CSMD1: variants seen among roughly 807,000 people sequenced by gnomAD.
CSMD1 encodes the protein CUB and sushi domain-containing protein 1.
Under a neutral mutation model 417.5 loss-of-function variants are expected in CSMD1, and 213 were observed. That is an observed-to-expected ratio of 0.51 (90% CI 0.46 to 0.57). CSMD1 has a LOEUF of 0.57. Ranked by LOEUF, CSMD1 falls within the 20% of genes least tolerant of loss-of-function variation. CSMD1 has a pLI of 0.00. For synonymous variants in CSMD1, 2,862 were observed against 1,736.8 expected (o/e 1.65, Z -16.11); for missense variants, 6,923 against 4,529.7 (o/e 1.53, Z -15.17).
At chr8:3,851,379 T>C (rs116230706) in intron 5 of CSMD1, among the ~76,000 whole-genome samples, 6 of 152,236 alleles carry the variant, frequency 3.9e-5, no homozygotes, top group African/African-American at 9.6e-5. Flanking sequence ...TGAACCACTT[T>C]TGTTATCTCT....
intron 12 of CSMD1, among the ~76,000 whole-genome samples, chr8:3,461,568 G>C (rs1816505571): frequency 1.3e-5 from 2 of 152,214 alleles, no homozygotes; most frequent in South Asian, 4.1e-4. Context: ...CTGCTTCTCA[G>C]AGGGGAGCTG....
chr8:4,552,387 C>A (rs1312244631), intron 2 of CSMD1, among the ~76,000 whole-genome samples: 1 of 152,002 alleles, frequency 6.6e-6, no homozygotes, highest in Non-Finnish European at 1.5e-5. Flanking sequence ...TACTCAAATC[C>A]CGAATCCTGT....
chr8:4,157,229 A>T (rs945783214), intron 3 of CSMD1, among the ~76,000 whole-genome samples: 1 of 152,216 alleles, frequency 6.6e-6, no homozygotes, highest in Non-Finnish European at 1.5e-5. Context: ...GAAGGAGTTT[A>T]TAAGAACACA....
At chr8:3,947,922 T>C (rs1037323982) in intron 5 of CSMD1, among the ~76,000 whole-genome samples, 2 of 152,150 alleles carry the variant, frequency 1.3e-5, no homozygotes, top group Non-Finnish European at 2.9e-5. Flanking sequence ...TCTCCAATGG[T>C]AGGCTGGGGG....
At chr8:3,279,882 T>C (rs1490533496) in intron 26 of CSMD1, among the ~76,000 whole-genome samples, 1 of 152,108 alleles carries the variant, frequency 6.6e-6, no homozygotes. Context: ...TCCAACCACC[T>C]CCACCTGGTC....
intron 37 of CSMD1, among the ~76,000 whole-genome samples, chr8:3,178,942 A>G (rs1467445916): frequency 2.1e-5 from 3 of 145,706 alleles, no homozygotes; most frequent in Non-Finnish European, 4.5e-5. Flanking sequence ...TCTATAATCT[A>G]TATTTCTTTT....
chr8:4,757,205 T>C lies in CSMD1; in HGVS notation c.86-119647A>G, dbSNP rs551292459. ...TTTACTTTATCAATATTAGTTTAGC[T>C]GTTTTACTTCAGGTTCTCCTTAGAG... On this transcript the variant is annotated intron_variant, in intron 1 of 69. Coordinates refer to ENST00000635120, the MANE Select transcript of CSMD1 (RefSeq NM_033225.6). Among the ~76,000 whole-genome samples, 12 of 152,346 alleles carry C rather than the reference T, an allele frequency of 7.9e-5. No individual in the cohort carries two copies. In the East Asian group the frequency reaches 1.9e-3, roughly 25 times the overall value.
At chr8:3,150,840 A>G (rs772632278) in intron 40 of CSMD1, among the ~76,000 whole-genome samples, 6 of 152,332 alleles carry the variant, frequency 3.9e-5, no homozygotes, top group Non-Finnish European at 5.9e-5. Flanking sequence ...AAGGTTCTAT[A>G]ATAGTATACA....
intron 1 of CSMD1, among the ~76,000 whole-genome samples, chr8:4,792,054 G>C (rs1010855655): frequency 3.3e-5 from 5 of 152,028 alleles, no homozygotes; most frequent in African/African-American, 9.7e-5. Flanking sequence ...TCTTACCCAA[G>C]ATTCACTGCC....
chr8:4,333,685 C>T (rs1800001943), intron 3 of CSMD1, among the ~76,000 whole-genome samples: 1 of 152,008 alleles, frequency 6.6e-6, no homozygotes, highest in South Asian at 2.1e-4. Context: ...TTCTACGATA[C>T]CATTTAATGA....
Position 2,961,152 on chromosome 8 carries a change from T to C in CSMD1, c.9691A>G (p.Arg3231Gly), listed in dbSNP as rs1044155769. ...TPHFGIQNSSRGYEVGSTVFF... is the reference protein window; with the variant it reads ...TPHFGIQNSSGGYEVGSTVFF... The stretch of plus-strand genomic sequence containing the variant: ...TCATAATGAACTACCTCATAGCCTC[T>C]GGAGCTATTCTGTATTCCAAAGTGT... The change falls in exon 62 of 70, where the codon AGA becomes GGA. Residue 3231 changes from arginine (R) to glycine (G), a missense_variant. Arg to Gly is a moderately radical substitution (Grantham distance 125, BLOSUM62 -2). Coordinates refer to ENST00000635120, the MANE Select transcript of CSMD1 (RefSeq NM_033225.6). 11 of 1,590,200 alleles carry C rather than the reference T, an allele frequency of 6.9e-6. No homozygotes were observed. The highest frequency in any genetic ancestry group is 1.7e-5 in the Admixed American group (1 of 59,004).
chr8:3,776,567 T>A (rs1228728339), intron 5 of CSMD1, among the ~76,000 whole-genome samples: 1 of 152,158 alleles, frequency 6.6e-6, no homozygotes, highest in Non-Finnish European at 1.5e-5. Context: ...TTCTCAAAGG[T>A]GACTCACCTT....
intron 5 of CSMD1, among the ~76,000 whole-genome samples, chr8:3,942,119 C>G (rs187636107): frequency 6.6e-6 from 1 of 151,832 alleles, no homozygotes; most frequent in African/African-American, 2.4e-5. Context: ...TGATCTGTCA[C>G]GCTGAGATGG....
chr8:4,551,595 G>C (rs934949068), intron 2 of CSMD1, among the ~76,000 whole-genome samples: 3 of 152,122 alleles, frequency 2.0e-5, no homozygotes, highest in African/African-American at 7.2e-5. Flanking sequence ...CCACACTCAA[G>C]ATGCTGCCAT....
intron 3 of CSMD1, among the ~76,000 whole-genome samples, chr8:4,131,036 G>T (rs185180458): frequency 6.6e-6 from 1 of 152,092 alleles, no homozygotes; most frequent in East Asian, 1.9e-4. Flanking sequence ...TGGCTCAAGC[G>T]TGATTGGATT....
chr8:4,282,819 G>T (rs1287619800), intron 3 of CSMD1, among the ~76,000 whole-genome samples: 1 of 152,070 alleles, frequency 6.6e-6, no homozygotes, highest in Non-Finnish European at 1.5e-5. Flanking sequence ...GTATATATCA[G>T]ATTCAACAAG....
At chr8:3,873,960 T>G (rs953244540) in intron 5 of CSMD1, among the ~76,000 whole-genome samples, 2 of 152,176 alleles carry the variant, frequency 1.3e-5, no homozygotes, top group Non-Finnish European at 2.9e-5. Flanking sequence ...AGTGCAGTCT[T>G]GAGGGCTGTG....
intron 1 of CSMD1, among the ~76,000 whole-genome samples, chr8:4,726,618 A>C (rs1265384593): frequency 2.6e-5 from 4 of 152,106 alleles, no homozygotes; most frequent in Non-Finnish European, 5.9e-5. Context: ...CAAAAGATAG[A>C]AACCCTGAAT....
chr8:4,957,897 G>C (rs569262181), intron 1 of CSMD1, among the ~76,000 whole-genome samples: 15 of 152,282 alleles, frequency 9.9e-5, no homozygotes, highest in African/African-American at 3.6e-4. Flanking sequence ...GATTGATAAA[G>C]CTGGTGTCTG....
Sources: gnomAD v4.1 joint callset for allele counts (sites outside exome capture counted in the v4.1 genomes callset) on GRCh38, gnomAD v4.1.1 for gene constraint, MANE v1.5 for transcripts, NCBI Gene and HGNC (gene_info 2026-07-23, HGNC 2026-07-21) for gene names.